The following THSD7B variants were observed in gnomAD, a reference collection of about 807,000 sequenced individuals.
THSD7B encodes thrombospondin type 1 domain containing 7B.
Under a neutral mutation model 213.6 loss-of-function variants are expected in THSD7B, and 138 were observed. The ratio of observed to expected loss-of-function variants is 0.65; its 90% CI spans 0.56 to 0.74. The LOEUF is 0.74. Ranked by LOEUF, THSD7B falls within the 30% of genes least tolerant of loss-of-function variation. The pLI is 0.00. For synonymous variants in THSD7B, 742 were observed against 687.0 expected (o/e 1.08, Z -1.25); for missense variants, 1,931 against 1,991.5 (o/e 0.97, Z 0.58).
intron 2 of THSD7B, among the ~76,000 whole-genome samples, chr2:136,964,471 G>C (rs1459471123): frequency 6.6e-6 from 1 of 152,056 alleles, no homozygotes; most frequent in Non-Finnish European, 1.5e-5. Flanking sequence ...CTTAACTTTT[G>C]TCTGGGGCAA....
intron 2 of THSD7B, among the ~76,000 whole-genome samples, chr2:136,967,592 A>G (rs1486095113): frequency 1.3e-5 from 2 of 152,084 alleles, no homozygotes; most frequent in African/African-American, 4.8e-5. Context: ...TGTTTATTTG[A>G]TATTGTTAAA....
At chr2:137,168,799 T>C (rs1680182704) in intron 6 of THSD7B, among the ~76,000 whole-genome samples, 1 of 152,114 alleles carries the variant, frequency 6.6e-6, no homozygotes, top group African/African-American at 2.4e-5. Context: ...ATAAGCAGCA[T>C]GCAGATGTTA....
intron 20 of THSD7B, among the ~76,000 whole-genome samples, chr2:137,632,710 C>T (rs1256307452): frequency 3.3e-5 from 5 of 151,834 alleles, no homozygotes; most frequent in Non-Finnish European, 7.4e-5. Flanking sequence ...CATAAAATGC[C>T]ATAAAAGCAA....
At chr2:137,214,241 C>G (rs1007562227) in intron 7 of THSD7B, among the ~76,000 whole-genome samples, 1 of 151,982 alleles carries the variant, frequency 6.6e-6, no homozygotes, top group African/African-American at 2.4e-5. Flanking sequence ...TGTACTTATA[C>G]CTGGATTTTC....
At chr2:137,557,175 C>T (rs895430877) in intron 15 of THSD7B, among the ~76,000 whole-genome samples, 4 of 152,150 alleles carry the variant, frequency 2.6e-5, no homozygotes, top group African/African-American at 9.7e-5. Flanking sequence ...TTGAACTCAG[C>T]TCTGCACCAA....
Position 137,363,141 on chromosome 2 carries a change from G to T in THSD7B, c.2501-42472G>T, listed in dbSNP as rs549135229. 7.9e-5 allele frequency among the ~76,000 whole-genome samples: 12 copies of T among 152,234 alleles called. 1 individual carries two copies. The highest frequency in any genetic ancestry group is 2.9e-4 in the African/African-American group (12 of 41,528). ...CAACCTGCTCCTGAATGACTACTGG[G>T]TAAATAACGAAATGAAGGCAGAAAT... On this transcript the variant is annotated intron_variant, in intron 12 of 27. Transcript: ENST00000409968.
At chr2:137,299,992 G>T (rs1683562571) in intron 12 of THSD7B, among the ~76,000 whole-genome samples, 1 of 152,112 alleles carries the variant, frequency 6.6e-6, no homozygotes, top group Admixed American at 6.5e-5. Context: ...TAGAACCAGT[G>T]CAGTCTCACT....
chr2:137,437,163 C>G (rs1313355048), intron 14 of THSD7B, among the ~76,000 whole-genome samples: 9 of 152,234 alleles, frequency 5.9e-5, no homozygotes, highest in Admixed American at 5.2e-4. Context: ...ATTCTAATCC[C>G]AGATGAAATA....
intron 12 of THSD7B, among the ~76,000 whole-genome samples, chr2:137,343,939 C>T (rs948344933): frequency 6.6e-6 from 1 of 151,726 alleles, no homozygotes; most frequent in Non-Finnish European, 1.5e-5. Context: ...ATCTCAAATA[C>T]ACATGTTGAG....
intron 15 of THSD7B, among the ~76,000 whole-genome samples, chr2:137,537,331 A>C (rs1680525913): frequency 6.6e-6 from 1 of 151,804 alleles, no homozygotes; most frequent in Admixed American, 6.6e-5. Flanking sequence ...CTTGTGATTA[A>C]GGATTTTTAA....
At chr2:137,504,817 G>A (rs1296676956) in intron 15 of THSD7B, among the ~76,000 whole-genome samples, 2 of 152,180 alleles carry the variant, frequency 1.3e-5, no homozygotes, top group African/African-American at 4.8e-5. Context: ...GTATAGAGAT[G>A]TGTGTTAATC....
At chr2:137,077,478 C>T (rs1687654358) in intron 3 of THSD7B, among the ~76,000 whole-genome samples, 1 of 152,124 alleles carries the variant, frequency 6.6e-6, no homozygotes, top group Non-Finnish European at 1.5e-5. Context: ...CACATCCTCT[C>T]CAGCACCTGT....
intron 12 of THSD7B, among the ~76,000 whole-genome samples, chr2:137,331,911 C>T (rs565145703): frequency 3.3e-5 from 5 of 152,256 alleles, no homozygotes; most frequent in South Asian, 2.1e-4. Flanking sequence ...AGTGCGGGCC[C>T]GCCAAGCCCA....
chr2:137,182,775 G>T (rs150947649), intron 7 of THSD7B, among the ~76,000 whole-genome samples: 2 of 152,042 alleles, frequency 1.3e-5, no homozygotes, highest in Admixed American at 6.6e-5. Flanking sequence ...GAGTGTCATC[G>T]TGTATACTGT....
At chr2:137,044,379 A>G (rs898996164) in intron 2 of THSD7B, among the ~76,000 whole-genome samples, 2 of 152,204 alleles carry the variant, frequency 1.3e-5, no homozygotes, top group African/African-American at 4.8e-5. Context: ...TAAAGTGTCC[A>G]GGATAATACT....
At chr2:137,248,333 G>A (rs1682089230) in intron 10 of THSD7B, among the ~76,000 whole-genome samples, 1 of 152,148 alleles carries the variant, frequency 6.6e-6, no homozygotes, top group African/African-American at 2.4e-5. Context: ...TAAACTCAGA[G>A]GGTAGGAGTC....
Position 137,655,563 on chromosome 2 carries a change from A to C in THSD7B, c.4008A>C (p.Ser1336=), listed in dbSNP as rs763534600. The change falls in exon 22 of 28, where the codon TCA becomes TCC. Residue 1336 remains serine (S), a synonymous_variant. Transcript: ENST00000409968. ...RSLSCMVHSG[S]ISHAAGRVED... ...TTTCCTGCATGGTCCACAGTGGTTC[A>C]ATATCTCATGCAGCTGGACGTGTCG... 4 of 1,612,802 alleles carry C rather than the reference A, an allele frequency of 2.5e-6. No homozygotes were observed. The highest frequency in any genetic ancestry group is 3.4e-6 in the Non-Finnish European group (4 of 1,179,464).
At chr2:137,539,189 T>G (rs1171766435) in intron 15 of THSD7B, among the ~76,000 whole-genome samples, 1 of 151,700 alleles carries the variant, frequency 6.6e-6, no homozygotes, top group Non-Finnish European at 1.5e-5. Flanking sequence ...AGAGACTACT[T>G]GTGTAGTAGA....
intron 1 of THSD7B, among the ~76,000 whole-genome samples, chr2:136,834,912 G>C (rs1203358215): frequency 1.3e-5 from 2 of 152,174 alleles, no homozygotes; most frequent in African/African-American, 4.8e-5. Context: ...ATGAAATAAG[G>C]TTGGATGTAA....
Sources: allele counts gnomAD v4.1 joint callset (sites outside exome capture counted in the v4.1 genomes callset), GRCh38; gene constraint gnomAD v4.1.1; transcripts MANE v1.5; gene names NCBI Gene and HGNC (gene_info 2026-07-23, HGNC 2026-07-21).